ZNF804A: variants seen among roughly 807,000 people sequenced by gnomAD.
ZNF804A encodes the protein zinc finger protein 804A.
Under a neutral mutation model 16.5 loss-of-function variants are expected in ZNF804A, and 2 were observed. That is an observed-to-expected ratio of 0.12 (90% CI 0.05 to 0.38). The LOEUF is 0.38. Among genes scored for constraint, ZNF804A ranks in the 10% least tolerant of loss-of-function variants. The pLI, the probability that ZNF804A is intolerant of heterozygous loss-of-function variation, is 0.99. For missense variants in ZNF804A, 1,473 were observed against 1,390.7 expected, an observed-to-expected ratio of 1.06 and a Z score of -0.94; for synonymous variants, 534 against 489.6, an observed-to-expected ratio of 1.09 and a Z score of -1.20.
chr2:184,847,749 T>C lies in ZNF804A; in HGVS notation c.112-18620T>C, dbSNP rs1695542278. On this transcript the variant is annotated intron_variant, in intron 1 of 3. Transcript: ENST00000302277. Reference sequence around the variant, plus strand: ...TTTCAATGTCAGTCTCAAGTCCAGATCACCTGTACTTCTGACCATTGGCTC... The same window carrying C: ...TTTCAATGTCAGTCTCAAGTCCAGACCACCTGTACTTCTGACCATTGGCTC... 2.6e-5 allele frequency among the ~76,000 whole-genome samples: 4 copies of C among 152,070 alleles called. No individual in the cohort carries two copies. The South Asian group carries it at 6.2e-4, about 24-fold the overall frequency.
At chr2:184,638,847 C>A (rs1691745276) in intron 1 of ZNF804A, among the ~76,000 whole-genome samples, 1 of 152,134 alleles carries the variant, frequency 6.6e-6, no homozygotes, top group Non-Finnish European at 1.5e-5. Context: ...AGGCTACATG[C>A]TCACATTTAG....
chr2:184,744,141 C>A (rs1459480845), intron 1 of ZNF804A, among the ~76,000 whole-genome samples: 1 of 151,766 alleles, frequency 6.6e-6, no homozygotes, highest in Non-Finnish European at 1.5e-5. Context: ...GCCATGTGAG[C>A]CTTTATGTAT....
chr2:184,702,821 A>G (rs1692943594), intron 1 of ZNF804A, among the ~76,000 whole-genome samples: 1 of 152,142 alleles, frequency 6.6e-6, no homozygotes, highest in South Asian at 2.1e-4. Flanking sequence ...TTGCCTCTGT[A>G]TGTTATGTGT....
chr2:184,755,082 A>T (rs1693938574), intron 1 of ZNF804A, among the ~76,000 whole-genome samples: 1 of 151,926 alleles, frequency 6.6e-6, no homozygotes, highest in Non-Finnish European at 1.5e-5. Context: ...GCCAAACCAT[A>T]TGAGAGCAGA....
intron 1 of ZNF804A, among the ~76,000 whole-genome samples, chr2:184,629,168 A>G (rs1187932844): frequency 6.6e-6 from 1 of 152,122 alleles, no homozygotes; most frequent in Non-Finnish European, 1.5e-5. Flanking sequence ...TTCATAGTAT[A>G]TTCCTTTGTT....
chr2:184,761,149 T>C (rs1459008374), intron 1 of ZNF804A, among the ~76,000 whole-genome samples: 2 of 152,168 alleles, frequency 1.3e-5, no homozygotes, highest in East Asian at 1.9e-4. Context: ...TTACTTGAGG[T>C]ATGTTTGAAA....
chr2:184,906,412 C>T (rs1009691195), intron 2 of ZNF804A, among the ~76,000 whole-genome samples: 45 of 152,108 alleles, frequency 3.0e-4, no homozygotes, highest in African/African-American at 1.1e-3. Context: ...AATTATTCCA[C>T]CTCAGGTTCC....
intron 1 of ZNF804A, among the ~76,000 whole-genome samples, chr2:184,782,034 T>C (rs1226464813): frequency 3.3e-5 from 5 of 151,784 alleles, no homozygotes; most frequent in Admixed American, 2.0e-4. Flanking sequence ...TGTTCTAATC[T>C]CTTCTTTTAT....
intron 1 of ZNF804A, among the ~76,000 whole-genome samples, chr2:184,628,868 G>T (rs144611551): frequency 0.011 from 1,601 of 152,272 alleles, 8 homozygotes; most frequent in Middle Eastern, 0.027. Context: ...TCTGATAGCA[G>T]TAGGTTGGAG....
intron 1 of ZNF804A, among the ~76,000 whole-genome samples, chr2:184,669,293 G>A (rs1360346507): frequency 6.6e-6 from 1 of 152,086 alleles, no homozygotes; most frequent in Non-Finnish European, 1.5e-5. Context: ...GACATATAAA[G>A]TACTTCATAC....
At chr2:184,820,293 A>G (rs1695054043) in intron 1 of ZNF804A, among the ~76,000 whole-genome samples, 1 of 152,198 alleles carries the variant, frequency 6.6e-6, no homozygotes, top group South Asian at 2.1e-4. Context: ...AATACATCAC[A>G]TAAACAGAAC....
In ZNF804A at chr2:184,936,416, T is replaced by G; in HGVS notation, c.1020T>G (p.Val340=). Residue 340 remains valine, a synonymous_variant, in exon 4 of 4, where the codon GTT becomes GTG. Transcript: ENST00000302277. ...CAGATCAAATACCACTAGAGAGTGT[T>G]GTTATTAATGAAGACATACCTGTTA... ...PLADQIPLES[V]VINEDIPVSG... The G allele has an allele frequency of 1.2e-6, 2 of 1,613,990 alleles. No individual in the cohort carries two copies. The highest frequency in any genetic ancestry group is 8.5e-7 in the Non-Finnish European group (1 of 1,179,948).
chr2:184,768,266 A>G (rs1349531268), intron 1 of ZNF804A, among the ~76,000 whole-genome samples: 1 of 152,070 alleles, frequency 6.6e-6, no homozygotes, highest in Non-Finnish European at 1.5e-5. Context: ...ATGCCATTTT[A>G]TATAAGGGAC....
chr2:184,745,029 T>A (rs1480486), intron 1 of ZNF804A, among the ~76,000 whole-genome samples: 50,461 of 151,282 alleles, frequency 0.33, 11,680 homozygotes, highest in African/African-American at 0.66. Flanking sequence ...ATTCAGTGGT[T>A]AAAAGTGCCT....
rs1685826488 is a variant in ZNF804A, at chr2:184,938,191, C to T, written c.2795C>T (p.Thr932Ile). ...CCAACAAAAGAAGCAATTGACAATA[C>T]CCTGCTTGAACACAAAGAAAGAAGT... ...SAPTKEAIDN[T>I]LLEHKERSEN... The change falls in exon 4 of 4, where the codon ACC becomes ATC. Residue 932 changes from threonine to isoleucine, a missense_variant. Coordinates refer to ENST00000302277, the MANE Select transcript of ZNF804A (RefSeq NM_194250.2). The T allele has an allele frequency of 6.2e-7, 1 of 1,614,058 alleles. No individual in the cohort carries two copies.
intron 1 of ZNF804A, among the ~76,000 whole-genome samples, chr2:184,748,811 C>T (rs567502870): frequency 8.2e-4 from 125 of 151,536 alleles, no homozygotes; most frequent in African/African-American, 3.0e-3. Flanking sequence ...TATGGTTAGC[C>T]AGTTATTTTA....
chr2:184,718,126 G>A (rs996443669), intron 1 of ZNF804A, among the ~76,000 whole-genome samples: 3 of 152,174 alleles, frequency 2.0e-5, no homozygotes, highest in Non-Finnish European at 4.4e-5. Flanking sequence ...CATGGTGGAT[G>A]GCAAAAGGCA....
intron 1 of ZNF804A, among the ~76,000 whole-genome samples, chr2:184,855,929 T>A (rs1049454284): frequency 1.3e-5 from 2 of 152,174 alleles, no homozygotes; most frequent in East Asian, 3.9e-4. Context: ...CCAGAGTCCA[T>A]CAGTAAGGAG....
At position 184,826,566 on chromosome 2, in the gene ZNF804A, A is replaced by T. The variant is rs370844835; in HGVS notation, c.112-39803A>T. Among the ~76,000 whole-genome samples the T allele has an allele frequency of 3.6e-4, 55 of 152,242 alleles. No homozygotes were observed. The Middle Eastern group carries it at 0.01, about 28-fold the overall frequency. Reference sequence around the variant, plus strand: ...AACCATTTATTCCTTAAAAACACAAACAAAAAGGGACATTTGTGACATTGC... The same window carrying T: ...AACCATTTATTCCTTAAAAACACAATCAAAAAGGGACATTTGTGACATTGC... On this transcript the variant is annotated intron_variant, in intron 1 of 3. Transcript: ENST00000302277.
Sources: gnomAD v4.1 joint callset for allele counts (sites outside exome capture counted in the v4.1 genomes callset) on GRCh38, gnomAD v4.1.1 for gene constraint, MANE v1.5 for transcripts, NCBI Gene and HGNC (gene_info 2026-07-23, HGNC 2026-07-21) for gene names.